The following GULP1 variants were observed in gnomAD, a reference collection of about 807,000 sequenced individuals.
GULP1 encodes GULP PTB domain containing engulfment adaptor 1, also known as PTB domain-containing engulfment adapter protein 1.
GULP1 carries 19 observed loss-of-function variants against 40.9 expected under a neutral mutation model. The ratio of observed to expected loss-of-function variants is 0.46; its 90% CI spans 0.32 to 0.68. GULP1 has a LOEUF of 0.68. Ranked by LOEUF, GULP1 falls within the 30% of genes least tolerant of loss-of-function variation. GULP1 has a pLI of 0.03. For synonymous variants in GULP1, 119 were observed against 117.6 expected, an observed-to-expected ratio of 1.01 and a Z score of -0.08; for missense variants, 312 against 362.2, an observed-to-expected ratio of 0.86 and a Z score of 1.12.
At chr2:188,571,284 A>C (rs1698978723) in intron 9 of GULP1, among the ~76,000 whole-genome samples, 1 of 152,236 alleles carries the variant, frequency 6.6e-6, no homozygotes, top group Non-Finnish European at 1.5e-5. Context: ...TTCATTTCTT[A>C]ATATCTAATA....
intron 7 of GULP1, among the ~76,000 whole-genome samples, chr2:188,558,276 TC>T (rs1695332117): frequency 6.6e-6 from 1 of 152,144 alleles, no homozygotes; most frequent in Non-Finnish European, 1.5e-5. Context: ...GGGGGCAGTT[TC>T]CCCCATACTA....
chr2:188,420,219 AACT>A (rs1474021255), intron 2 of GULP1, among the ~76,000 whole-genome samples: 2 of 152,110 alleles, frequency 1.3e-5, no homozygotes, highest in Admixed American at 1.3e-4. Flanking sequence ...ATTTTGCAAA[AACT>A]ACTATTGGGA....
intron 5 of GULP1, among the ~76,000 whole-genome samples, chr2:188,525,234 A>G (rs1010888133): frequency 6.6e-6 from 1 of 151,912 alleles, no homozygotes; most frequent in Non-Finnish European, 1.5e-5. Flanking sequence ...CTATTTCTTA[A>G]TCATGTTTTA....
At chr2:188,407,543 A>G (rs527374952) in intron 2 of GULP1, among the ~76,000 whole-genome samples, 12 of 152,328 alleles carry the variant, frequency 7.9e-5, no homozygotes, top group African/African-American at 2.9e-4. Context: ...GCATTTCTGT[A>G]TGTAGTCAAA....
At chr2:188,581,515 GCAGCTCAGCTCTCTC>G (rs1348490307) in intron 9 of GULP1, among the ~76,000 whole-genome samples, 3 of 152,124 alleles carry the variant, frequency 2.0e-5, no homozygotes, top group Non-Finnish European at 2.9e-5. Context: ...GTGACATCTG[GCAGCTCAGCTCTCTC>G]CAGCTCAGCT....
chr2:188,582,304 C>T (rs1348346425), intron 9 of GULP1: 4 of 465,624 alleles, frequency 8.6e-6, no homozygotes, highest in Admixed American at 2.4e-5. Context: ...CATGCCTGCC[C>T]TCTTAGGATA....
chr2:188,410,451 A>C (rs758062468), intron 2 of GULP1, among the ~76,000 whole-genome samples: 85 of 152,338 alleles, frequency 5.6e-4, no homozygotes, highest in Non-Finnish European at 1.0e-3. Flanking sequence ...AAATCTGATA[A>C]GGGGTTAATA....
At chr2:188,539,408 A>G (rs1008034909) in intron 6 of GULP1, among the ~76,000 whole-genome samples, 1 of 152,272 alleles carries the variant, frequency 6.6e-6, no homozygotes, top group Middle Eastern at 3.4e-3. Context: ...AAAAAAATCA[A>G]TAAGAAAGGA....
intron 7 of GULP1, among the ~76,000 whole-genome samples, chr2:188,559,102 G>A (rs1695573507): frequency 6.6e-6 from 1 of 152,214 alleles, no homozygotes; most frequent in African/African-American, 2.4e-5. Context: ...TGGGGAAAAT[G>A]TCTCCAGGGC....
chr2:188,512,220 A>G (rs2064651175), intron 4 of GULP1, among the ~76,000 whole-genome samples: 1 of 152,104 alleles, frequency 6.6e-6, no homozygotes, highest in Non-Finnish European at 1.5e-5. Flanking sequence ...TAGTCCCATC[A>G]TATTTGAGGC....
chr2:188,323,650 ATGTGTGTGTGTGTGTG>A (rs112584285), intron 1 of GULP1, among the ~76,000 whole-genome samples: 1 of 143,582 alleles, frequency 7.0e-6, no homozygotes, highest in African/African-American at 2.6e-5. Context: ...ATCTGAAGAT[ATGTGTGTGTGTGTGTG>A]TGTGTGTGTG....
chr2:188,458,692 C>G (rs994001505), intron 2 of GULP1, among the ~76,000 whole-genome samples: 2 of 152,108 alleles, frequency 1.3e-5, no homozygotes, highest in Admixed American at 1.3e-4. Flanking sequence ...TCTTATTATA[C>G]TCTTAGCTAT....
chr2:188,403,298 A>G (rs1235487174), intron 2 of GULP1, among the ~76,000 whole-genome samples: 1 of 152,156 alleles, frequency 6.6e-6, no homozygotes, highest in Non-Finnish European at 1.5e-5. Context: ...ATTCCAAGGT[A>G]AATCTCTTGT....
chr2:188,587,845 T>G lies in GULP1; in HGVS notation c.749-10T>G, dbSNP rs1330256738. 1 of 1,505,090 alleles carries G rather than the reference T, an allele frequency of 6.6e-7. No individual in the cohort carries two copies. Among genetic ancestry groups the G allele is most frequent in the African/African-American group, 1.4e-5 (1 of 72,114 alleles). The allele number at this position is 1,505,090 out of a possible 1,614,324, so 93.2% of individuals were successfully genotyped here. The stretch of plus-strand genomic sequence containing the variant: ...TTATTTCATTTACTAAATTATTTCC[T>G]TCCTTGCAGAACGGGACCTGTTTGG... On this transcript the variant is annotated splice_polypyrimidine_tract_variant and intron_variant, in intron 10 of 11. Transcript: ENST00000409830.
At chr2:188,368,939 G>GTGTATATATATATATA (rs1272494109) in intron 1 of GULP1, among the ~76,000 whole-genome samples, 43 of 86,058 alleles carry the variant, frequency 5.0e-4, no homozygotes, top group African/African-American at 1.1e-3. Context: ...ATATATGTGT[G>GTGTATATATATATATA]TATATATATA....
intron 2 of GULP1, among the ~76,000 whole-genome samples, chr2:188,424,128 A>G (rs2055829523): frequency 6.6e-6 from 1 of 152,064 alleles, no homozygotes; most frequent in Admixed American, 6.5e-5. Context: ...GCAAAACTGA[A>G]TACCAAAGGT....
At chr2:188,311,319 C>G (rs2038060720) in intron 1 of GULP1, among the ~76,000 whole-genome samples, 1 of 152,144 alleles carries the variant, frequency 6.6e-6, no homozygotes, top group South Asian at 2.1e-4. Flanking sequence ...GCCTCAGCCT[C>G]CCGAGTAGCT....
At chr2:188,557,023 CAAAAA>C (rs1193397388) in intron 7 of GULP1, among the ~76,000 whole-genome samples, 1 of 126,478 alleles carries the variant, frequency 7.9e-6, no homozygotes, top group Non-Finnish European at 1.7e-5. Context: ...GACTCTGTCT[CAAAAA>C]AAAAAAAAGA....
intron 4 of GULP1, among the ~76,000 whole-genome samples, chr2:188,513,372 A>G (rs1304294177): frequency 6.6e-6 from 1 of 152,062 alleles, no homozygotes; most frequent in Non-Finnish European, 1.5e-5. Flanking sequence ...GTCATATTCA[A>G]TGTTTTAATC....
Sources: allele counts gnomAD v4.1 joint callset (sites outside exome capture counted in the v4.1 genomes callset), GRCh38; gene constraint gnomAD v4.1.1; transcripts MANE v1.5; gene names NCBI Gene and HGNC (gene_info 2026-07-23, HGNC 2026-07-21).